LIN37: variants seen among roughly 807,000 people sequenced by gnomAD.
LIN37 encodes the protein lin-37 DREAM MuvB core complex component.
Under a neutral mutation model 38.0 loss-of-function variants are expected in LIN37, and 21 were observed. The ratio of observed to expected loss-of-function variants is 0.55; its 90% confidence interval spans 0.39 to 0.80. The LOEUF (loss-of-function observed/expected upper bound fraction) is 0.80. Among genes scored for constraint, LIN37 ranks in the 30% least tolerant of loss-of-function variants. The pLI, the probability that LIN37 is intolerant of heterozygous loss-of-function variation, is 0.00. For synonymous variants in LIN37, 126 were observed against 122.9 expected (o/e 1.03, Z -0.17); for missense variants, 273 against 338.5 (o/e 0.81, Z 1.52).
chr19:35,748,613 G>C lies in LIN37; in HGVS notation c.-112G>C, dbSNP rs1212048186. ...GGACACAACCAAAGGCGGAGGACCC[G>C]TGGCCCACGAAGCTCATCTTTGAAC... On this transcript the variant is annotated 5_prime_UTR_variant, in exon 1 of 9. Coordinates refer to ENST00000301159, the MANE Select transcript of LIN37 (RefSeq NM_019104.3). 1 of 1,453,408 alleles carries C rather than the reference G, an allele frequency of 6.9e-7. No homozygotes were observed. The highest frequency in any genetic ancestry group is 9.7e-7 in the Non-Finnish European group (1 of 1,035,858). The allele number at this position is 1,453,408 out of a possible 1,614,324, so 90.0% of individuals were successfully genotyped here.
At chr19:35,750,223 C>T (rs73592416) in intron 1 of LIN37, among the ~76,000 whole-genome samples, 15,462 of 151,966 alleles carry the variant, frequency 0.1, 882 homozygotes, top group South Asian at 0.11. Context: ...GACAGTGAGG[C>T]GACCCTTGAG....
At chr19:35,749,903 C>T (rs1276374211) in intron 1 of LIN37, among the ~76,000 whole-genome samples, 1 of 152,026 alleles carries the variant, frequency 6.6e-6, no homozygotes, top group Admixed American at 6.6e-5. Context: ...CTGTGAGTGC[C>T]AGGCTGAGGA....
At chr19:35,751,926 C>G in intron 1 of LIN37, 1 of 315,104 alleles carries the variant, frequency 3.2e-6, no homozygotes, top group South Asian at 7.3e-5. Flanking sequence ...TTTTTAAAAC[C>G]CAAAAGGCTC....
chr19:35,753,353 A>G, intron 6 of LIN37, 100 bp downstream of exon 6: 1 of 1,352,430 alleles, frequency 7.4e-7, no homozygotes, highest in South Asian at 1.2e-5. Flanking sequence ...ATAGACAGAC[A>G]CAGGTCCCTC....
Position 35,754,076 on chromosome 19 carries a change from C to T in LIN37, c.504C>T (p.Pro168=), listed in dbSNP as rs756876349. Residue 168 remains proline, a synonymous_variant, in exon 7 of 9, where the codon CCC becomes CCT. Transcript: ENST00000301159. The stretch of plus-strand genomic sequence containing the variant: ...TGTACAAGCTGCCGCCACCCACACC[C>T]CCGGGGCCACCCGGAGATGCCTGCA... ...RDVYKLPPPT[P]PGPPGDACRS... The T allele has an allele frequency of 5.0e-6, 8 of 1,613,938 alleles. No individual in the cohort carries two copies. In the South Asian group the frequency reaches 7.7e-5, roughly 16 times the overall value.
Position 35,748,889 on chromosome 19 carries a change from C to T in LIN37, c.34+131C>T, listed in dbSNP as rs1198602102. On this transcript the variant is annotated intron_variant, in intron 1 of 8. Transcript: ENST00000301159. ...GAAGCCCACCTGACAATCGCTGTAT[C>T]AGGCAGCGAGCGTTGCCTGCCACCT... 1.1e-5 allele frequency: 17 copies of T among 1,582,650 alleles called. No homozygotes were observed. In the East Asian group the frequency reaches 3.0e-4, roughly 28 times the overall value.
In LIN37 at chr19:35,752,261, C is replaced by T. The variant is rs375119961; in HGVS notation, c.110+10C>T. 4.8e-5 allele frequency: 77 copies of T among 1,602,134 alleles called. No individual in the cohort carries two copies. Among genetic ancestry groups the T allele is most frequent in the African/African-American group, 4.3e-4 (32 of 74,646 alleles). ...AGAGTCACATGGACAGGTAGGCCAG[C>T]GTGGGGTCACAGGGCCGGGCACCCT... On this transcript the variant is annotated intron_variant, in intron 2 of 8. Transcript: ENST00000301159.
At chr19:35,752,890 C>T (rs1970698270) in intron 4 of LIN37, 24 bp from the exon 5 acceptor site, 2 of 1,588,526 alleles carry the variant, frequency 1.3e-6, no homozygotes, top group African/African-American at 1.3e-5. Context: ...TACCCCAGTC[C>T]TGACACTCCC....
At chr19:35,753,861 T>C in intron 6 of LIN37, 156 bp from the exon 7 acceptor site, 1 of 784,702 alleles carries the variant, frequency 1.3e-6, no homozygotes. Context: ...CGCTGGCTGG[T>C]TGAGGTGTCT....
intron 7 of LIN37, 23 bp from the exon 8 acceptor site, chr19:35,754,223 A>G (rs1364815618): frequency 1.2e-6 from 2 of 1,613,888 alleles, no homozygotes; most frequent in Non-Finnish European, 1.7e-6. Flanking sequence ...TGGCCACTCA[A>G]CCTGGCCTGT....
Position 35,748,629 on chromosome 19 carries a change from A to G in LIN37, c.-96A>G. 1 of 1,557,858 alleles carries G rather than the reference A, an allele frequency of 6.4e-7. No homozygotes were observed. The highest frequency in any genetic ancestry group is 1.1e-5 in the South Asian group (1 of 89,864). On this transcript the variant is annotated 5_prime_UTR_variant, in exon 1 of 9. Transcript: ENST00000301159. The stretch of plus-strand genomic sequence containing the variant: ...GGAGGACCCGTGGCCCACGAAGCTC[A>G]TCTTTGAACTGTCCCCGCCTTCTCC...
chr19:35,754,394 T>C lies in LIN37; in HGVS notation c.661T>C (p.Trp221Arg). ...MQRWKRIRQR[W>R]KEASHRNQLR... ...TGAGTCTCCCCTCTGCCTCCCCAGGTGGAAGGAGGCCTCTCATCGGAACCA... is the reference window on the plus strand; with the variant it reads ...TGAGTCTCCCCTCTGCCTCCCCAGGCGGAAGGAGGCCTCTCATCGGAACCA... Residue 221 changes from tryptophan to arginine, a missense_variant and splice_region_variant, in exon 9 of 9, where the codon TGG (tryptophan) becomes CGG (arginine). Physicochemically the swap from Trp to Arg is moderately radical, Grantham distance 101 (BLOSUM62 -3). Coordinates refer to ENST00000301159, the MANE Select transcript of LIN37 (RefSeq NM_019104.3). 1 of 1,613,836 alleles carries C rather than the reference T, an allele frequency of 6.2e-7. No individual in the cohort carries two copies. Among genetic ancestry groups the C allele is most frequent in the Non-Finnish European group, 8.5e-7 (1 of 1,179,764 alleles).
rs757343727 is a variant in LIN37 at position 35,748,753 on chromosome 19, A to C, written c.29A>C (p.Lys10Thr). Reference sequence around the variant, plus strand: ...TTCCCTGTGAAGGTGAAAGTGGAGAAATCAGGTGAGGACCCTGACGTCGGG... The same window carrying C: ...TTCCCTGTGAAGGTGAAAGTGGAGACATCAGGTGAGGACCCTGACGTCGGG... MFPVKVKVE[K>T]SELEMAKARN... Residue 10 changes from lysine to threonine, a missense_variant, in exon 1 of 9, where the codon AAA becomes ACA. By Grantham distance (78) the Lys-to-Thr change is moderately conservative. Transcript: ENST00000301159. The C allele has an allele frequency of 1.9e-6, 3 of 1,613,888 alleles. No homozygotes were observed. The highest frequency in any genetic ancestry group is 4.5e-5 in the East Asian group (2 of 44,882).
intron 5 of LIN37, 41 bp downstream of exon 5, chr19:35,753,040 G>A (rs755003999): frequency 6.3e-7 from 1 of 1,583,686 alleles, no homozygotes; most frequent in Admixed American, 1.8e-5. Context: ...AAGGAGCCAA[G>A]GGCCTATGCA....
intron 1 of LIN37, among the ~76,000 whole-genome samples, chr19:35,749,335 T>G (rs1023135917): frequency 6.6e-6 from 1 of 152,158 alleles, no homozygotes; most frequent in African/African-American, 2.4e-5. Context: ...AAATAGGAAC[T>G]GTGGTCAATG....
Position 35,754,170 on chromosome 19 carries a change from G to C in LIN37, c.585+13G>C, listed in dbSNP as rs1388305862. 3.1e-6 allele frequency: 5 copies of C among 1,614,008 alleles called. No homozygotes were observed. Among genetic ancestry groups the C allele is most frequent in the Non-Finnish European group, 4.2e-6 (5 of 1,179,862 alleles). ...CCCTGACGATGAGGTGAGTATGCCAGGCTGGCCCAGGGTTATGGGGCACAT... is the reference window on the plus strand; with the variant it reads ...CCCTGACGATGAGGTGAGTATGCCACGCTGGCCCAGGGTTATGGGGCACAT... On this transcript the variant is annotated intron_variant, in intron 7 of 8. Coordinates refer to ENST00000301159, the MANE Select transcript of LIN37 (RefSeq NM_019104.3).
rs1970633603 is a variant in LIN37 at position 35,748,620 on chromosome 19, A to G, written c.-105A>G. ...ACCAAAGGCGGAGGACCCGTGGCCC[A>G]CGAAGCTCATCTTTGAACTGTCCCC... On this transcript the variant is annotated 5_prime_UTR_variant, in exon 1 of 9. Coordinates refer to ENST00000301159, the MANE Select transcript of LIN37 (RefSeq NM_019104.3). 1 of 1,516,636 alleles carries G rather than the reference A, an allele frequency of 6.6e-7. No homozygotes were observed. The highest frequency in any genetic ancestry group is 9.2e-7 in the Non-Finnish European group (1 of 1,092,588). 93.9% of individuals were successfully genotyped at this position (1,516,636 alleles called of 1,614,324 possible).
chr19:35,749,588 G>A (rs1230978719), intron 1 of LIN37, among the ~76,000 whole-genome samples: 1 of 150,242 alleles, frequency 6.7e-6, no homozygotes. Flanking sequence ...GAGGTCAGGA[G>A]TTTGAGACCA....
At chr19:35,750,828 G>T (rs1426722986) in intron 1 of LIN37, among the ~76,000 whole-genome samples, 1 of 152,040 alleles carries the variant, frequency 6.6e-6, no homozygotes, top group Non-Finnish European at 1.5e-5. Flanking sequence ...GACCATGGTG[G>T]CACGCGCCTG....
Sources: allele counts gnomAD v4.1 joint callset (sites outside exome capture counted in the v4.1 genomes callset), GRCh38; gene constraint gnomAD v4.1.1; transcripts MANE v1.5; gene names NCBI Gene and HGNC (gene_info 2026-07-23, HGNC 2026-07-21).